Variants in TESK2 observed in about 807,000 individuals in gnomAD.
TESK2 encodes the protein dual specificity testis-specific protein kinase 2.
Under a neutral mutation model 57.1 loss-of-function variants are expected in TESK2, and 39 were observed. That is an observed-to-expected ratio of 0.68 (90% CI 0.53 to 0.89). TESK2 has a LOEUF of 0.89. Among genes scored for constraint, TESK2 ranks in the 40% least tolerant of loss-of-function variants. The pLI, the probability that TESK2 is intolerant of heterozygous loss-of-function variation, is 0.00. For synonymous variants in TESK2, 249 were observed against 267.9 expected, an observed-to-expected ratio of 0.93 and a Z score of 0.69; for missense variants, 646 against 732.1, an observed-to-expected ratio of 0.88 and a Z score of 1.36.
chr1:45,351,428 G>A (rs971467507), intron 5 of TESK2, among the ~76,000 whole-genome samples: 2 of 152,220 alleles, frequency 1.3e-5, no homozygotes, highest in Non-Finnish European at 2.9e-5. Flanking sequence ...TACTCTTAGA[G>A]CATTATTGCA....
chr1:45,346,976 C>T lies in TESK2; in HGVS notation c.792+3G>A. On this transcript the variant is annotated splice_donor_region_variant and intron_variant, in intron 8 of 10. Coordinates refer to ENST00000372086, the MANE Select transcript of TESK2 (RefSeq NM_007170.3). ...GGCAATGATCCCCATGCTTGCAGCT[C>T]ACCTCTGTGCGGGGAAGATAGTCCG... 1.2e-6 allele frequency: 2 copies of T among 1,614,114 alleles called. No homozygotes were observed. The highest frequency in any genetic ancestry group is 1.3e-5 in the African/African-American group (1 of 75,056).
intron 2 of TESK2, 61 bp from the exon 3 acceptor site, chr1:45,421,907 C>T: frequency 1.3e-6 from 2 of 1,572,624 alleles, no homozygotes; most frequent in Non-Finnish European, 1.7e-6. Context: ...GTGAGGTCAA[C>T]ATCTCCAAAT....
rs749950295 is a variant in TESK2, at chr1:45,347,017, G to T, written c.754C>A (p.Arg252Ser). ...AGATAGTCCGGATCGGCCTGGATGC[G>T]GGCGATGATCTCGCAGAGGATGATA... Reference protein sequence around the residue: ...YGIILCEIIARIQADPDYLPR... With the variant: ...YGIILCEIIASIQADPDYLPR... The change falls in exon 8 of 11, where the codon CGC becomes AGC. Residue 252 changes from arginine to serine, a missense_variant. Coordinates refer to ENST00000372086, the MANE Select transcript of TESK2 (RefSeq NM_007170.3). 6.2e-7 allele frequency: 1 copy of T among 1,614,182 alleles called. No homozygotes were observed.
chr1:45,448,068 T>C (rs1570741079), intron 2 of TESK2, among the ~76,000 whole-genome samples: 1 of 145,692 alleles, frequency 6.9e-6, no homozygotes, highest in Non-Finnish European at 1.5e-5. Flanking sequence ...AGACCTTGTG[T>C]CTACAAAAAA....
chr1:45,358,556 C>A (rs973486258), intron 4 of TESK2, among the ~76,000 whole-genome samples: 2 of 151,982 alleles, frequency 1.3e-5, no homozygotes, highest in Non-Finnish European at 2.9e-5. Context: ...TTGTTTCAGG[C>A]ACTGTTCTGA....
intron 2 of TESK2, among the ~76,000 whole-genome samples, chr1:45,452,861 G>C (rs2149298173): frequency 6.6e-6 from 1 of 152,134 alleles, no homozygotes. Flanking sequence ...AGATCAGCCT[G>C]GGCAACAGAG....
chr1:45,449,162 C>T (rs1317049700), intron 2 of TESK2, among the ~76,000 whole-genome samples: 1 of 146,848 alleles, frequency 6.8e-6, no homozygotes, highest in Admixed American at 7.0e-5. Context: ...GCACAGGTTG[C>T]AGTGAGCCAA....
rs571815050 is a variant in TESK2, at chr1:45,471,274, T to C, written c.-86-13403A>G. Among the ~76,000 whole-genome samples, 20 of 152,252 alleles carry C rather than the reference T, an allele frequency of 1.3e-4. No individual in the cohort carries two copies. The South Asian group carries it at 2.1e-3, about 16-fold the overall frequency. ...AGCCAGAATTCAAACCCAGAGGCTG[T>C]ACTCTTAATCGCTATGTTAATATTG... On this transcript the variant is annotated intron_variant, in intron 1 of 10. Transcript: ENST00000372086.
chr1:45,358,169 C>T (rs1291857307), intron 4 of TESK2, among the ~76,000 whole-genome samples: 6 of 151,734 alleles, frequency 4.0e-5, no homozygotes, highest in Admixed American at 1.3e-4. Context: ...AAAAATTAGC[C>T]GGGCGTGGTT....
chr1:45,353,071 G>A (rs560241484), intron 5 of TESK2, among the ~76,000 whole-genome samples: 1 of 151,918 alleles, frequency 6.6e-6, no homozygotes, highest in South Asian at 2.1e-4. Context: ...GCTAATTTTT[G>A]TATTTTAGTA....
chr1:45,438,409 T>C (rs1465980988), intron 2 of TESK2, among the ~76,000 whole-genome samples: 1 of 152,296 alleles, frequency 6.6e-6, no homozygotes, highest in South Asian at 2.1e-4. Context: ...GACAGCAGAA[T>C]TGCTTGAACC....
At chr1:45,346,105 C>T in intron 9 of TESK2, 111 bp from the exon 10 acceptor site, 1 of 841,922 alleles carries the variant, frequency 1.2e-6, no homozygotes, top group Non-Finnish European at 2.0e-6. Flanking sequence ...GCTGAGAGAC[C>T]TTTTCTAAAG....
intron 2 of TESK2, among the ~76,000 whole-genome samples, chr1:45,437,657 A>C (rs1324951157): frequency 6.6e-6 from 1 of 152,158 alleles, no homozygotes; most frequent in African/African-American, 2.4e-5. Context: ...GCTTTTCCCT[A>C]TCAGTATGCT....
chr1:45,434,288 C>A (rs1651098038), intron 2 of TESK2, among the ~76,000 whole-genome samples: 1 of 150,808 alleles, frequency 6.6e-6, no homozygotes, highest in Non-Finnish European at 1.5e-5. Flanking sequence ...GGCCACCGTG[C>A]CTGGCCTGTT....
intron 1 of TESK2, among the ~76,000 whole-genome samples, chr1:45,473,575 A>G (rs966065382): frequency 4.6e-5 from 7 of 152,190 alleles, no homozygotes; most frequent in African/African-American, 1.7e-4. Context: ...AACACCAGTA[A>G]CAAAGAGCTC....
intron 3 of TESK2, among the ~76,000 whole-genome samples, chr1:45,408,295 A>G (rs764241948): frequency 1.7e-4 from 26 of 152,332 alleles, no homozygotes; most frequent in Middle Eastern, 3.4e-3. Context: ...ATTTTCTCTC[A>G]GAAAGCATCT....
At chr1:45,349,340 C>T (rs1005551895) in intron 5 of TESK2, among the ~76,000 whole-genome samples, 3 of 152,170 alleles carry the variant, frequency 2.0e-5, no homozygotes, top group Non-Finnish European at 4.4e-5. Context: ...AAGGACAGTT[C>T]TTGTGCTTGT....
intron 2 of TESK2, among the ~76,000 whole-genome samples, chr1:45,424,491 G>T (rs1650607066): frequency 6.6e-6 from 1 of 152,200 alleles, no homozygotes; most frequent in African/African-American, 2.4e-5. Flanking sequence ...CTTGACTGAT[G>T]AAAGAGAAGT....
chr1:45,364,017 CTAT>C (rs1386299191), intron 4 of TESK2, among the ~76,000 whole-genome samples: 2 of 151,940 alleles, frequency 1.3e-5, no homozygotes, highest in Non-Finnish European at 2.9e-5. Flanking sequence ...ATGACTATTT[CTAT>C]TATTATTATT....
Sources: allele counts gnomAD v4.1 joint callset (sites outside exome capture counted in the v4.1 genomes callset), GRCh38; gene constraint gnomAD v4.1.1; transcripts MANE v1.5; gene names NCBI Gene and HGNC (gene_info 2026-07-23, HGNC 2026-07-21).